Variants in ARIH2 observed in about 807,000 individuals in gnomAD.
ARIH2 encodes the protein ariadne RBR E3 ubiquitin protein ligase 2.
Under a neutral mutation model 79.8 loss-of-function variants are expected in ARIH2, and 12 were observed. That is an observed-to-expected ratio of 0.15 (90% CI 0.10 to 0.24). ARIH2 has a LOEUF of 0.24. Among genes scored for constraint, ARIH2 ranks in the 10% least tolerant of loss-of-function variants. The pLI, the probability that ARIH2 is intolerant of heterozygous loss-of-function variation, is 1.00. For synonymous variants in ARIH2, 224 were observed against 213.9 expected (o/e 1.05, Z -0.41); for missense variants, 301 against 618.3 (o/e 0.49, Z 5.44).
chr3:48,964,314 T>G (rs958470921), intron 4 of ARIH2, among the ~76,000 whole-genome samples: 5 of 148,486 alleles, frequency 3.4e-5, no homozygotes, highest in Middle Eastern at 7.3e-3. Flanking sequence ...GCCATATATA[T>G]AGAATTTTTT....
At chr3:48,930,533 C>G (rs1040464718) in intron 3 of ARIH2, among the ~76,000 whole-genome samples, 1 of 152,056 alleles carries the variant, frequency 6.6e-6, no homozygotes, top group African/African-American at 2.4e-5. Context: ...GCTATGTTGC[C>G]TAGGTCTTAA....
At chr3:48,968,481 T>C (rs768675947) in intron 6 of ARIH2, 53 bp from the exon 7 acceptor site, 4 of 1,572,458 alleles carry the variant, frequency 2.5e-6, no homozygotes, top group Non-Finnish European at 3.5e-6. Context: ...AGTGCTGGGA[T>C]TACAGGCATG....
rs781610376 is a variant in ARIH2, at chr3:48,927,512, G to A, written c.-47G>A. The stretch of plus-strand genomic sequence containing the variant: ...GAAAGCGGTAGTTTTGGGGGGAGGG[G>A]GAAAAAGCAACTGCTTTCCTGATCT... On this transcript the variant is annotated 5_prime_UTR_variant, in exon 3 of 16. Transcript: ENST00000356401. 6.3e-7 allele frequency: 1 copy of A among 1,589,610 alleles called. No individual in the cohort carries two copies. Among genetic ancestry groups the A allele is most frequent in the Non-Finnish European group, 8.5e-7 (1 of 1,169,626 alleles).
intron 3 of ARIH2, among the ~76,000 whole-genome samples, chr3:48,959,884 G>A (rs1031021724): frequency 2.0e-5 from 3 of 152,266 alleles, no homozygotes; most frequent in Non-Finnish European, 4.4e-5. Flanking sequence ...TAGTAGGTGC[G>A]CACTTGTCTC....
At chr3:48,970,915 A>G (rs1296553068) in intron 8 of ARIH2, 1 of 463,068 alleles carries the variant, frequency 2.2e-6, no homozygotes, top group African/African-American at 2.0e-5. Flanking sequence ...AGGAAGTGAC[A>G]CAGGTTCTTG....
intron 5 of ARIH2, among the ~76,000 whole-genome samples, chr3:48,966,644 A>G (rs1014602143): frequency 2.0e-5 from 3 of 152,172 alleles, no homozygotes; most frequent in Non-Finnish European, 4.4e-5. Flanking sequence ...TGACAAGTAA[A>G]ACTACAGTGT....
chr3:48,947,233 G>A (rs2089297394), intron 3 of ARIH2, among the ~76,000 whole-genome samples: 2 of 152,176 alleles, frequency 1.3e-5, no homozygotes, highest in Non-Finnish European at 1.5e-5. Flanking sequence ...CTGAGGTCGG[G>A]AGTTTGAGAC....
intron 5 of ARIH2, among the ~76,000 whole-genome samples, chr3:48,966,094 A>G (rs1008820391): frequency 6.6e-6 from 1 of 152,174 alleles, no homozygotes; most frequent in East Asian, 1.9e-4. Context: ...TACCACCCCT[A>G]CCATAGAAGC....
Position 48,964,123 on chromosome 3 carries a change from C to G in ARIH2, c.324-796C>G, listed in dbSNP as rs1423665970. Among the ~76,000 whole-genome samples the G allele has an allele frequency of 2.0e-5, 3 of 151,880 alleles. No individual in the cohort carries two copies. In the East Asian group the frequency reaches 5.8e-4, roughly 29 times the overall value. On this transcript the variant is annotated intron_variant, in intron 4 of 15. Coordinates refer to ENST00000356401, the MANE Select transcript of ARIH2 (RefSeq NM_006321.4). ...TCTGCTCACTGCAACCTCCACCTCC[C>G]AGGTTCAAGCGATCCTCCTGCTTCA...
chr3:48,976,903 C>CAA (rs377502253), intron 11 of ARIH2, among the ~76,000 whole-genome samples: 18 of 134,960 alleles, frequency 1.3e-4, no homozygotes, highest in Non-Finnish European at 9.6e-5. Flanking sequence ...GACTCTGTCT[C>CAA]AAAAAAAAAA....
chr3:48,956,568 C>T (rs889918143), intron 3 of ARIH2, among the ~76,000 whole-genome samples: 6 of 148,430 alleles, frequency 4.0e-5, no homozygotes, highest in East Asian at 2.0e-4. Flanking sequence ...GTAGCTGGGA[C>T]CACAGGCATG....
At chr3:48,966,981 G>T in intron 5 of ARIH2, 144 bp from the exon 6 acceptor site, 1 of 884,654 alleles carries the variant, frequency 1.1e-6, no homozygotes, top group Non-Finnish European at 1.7e-6. Context: ...GTACCCTTGG[G>T]ACTCAGAGTC....
chr3:48,976,984 A>G (rs2092541124), intron 11 of ARIH2, among the ~76,000 whole-genome samples: 1 of 151,966 alleles, frequency 6.6e-6, no homozygotes, highest in Non-Finnish European at 1.5e-5. Flanking sequence ...GCGGATCATG[A>G]GGTCAGGAGA....
chr3:48,972,665 A>G (rs370412428), intron 8 of ARIH2, among the ~76,000 whole-genome samples: 20 of 152,274 alleles, frequency 1.3e-4, no homozygotes, highest in African/African-American at 4.8e-4. Flanking sequence ...TTGTAGAGAC[A>G]GGGTCTTCCT....
In ARIH2 at chr3:48,931,476, C is replaced by T. The variant is rs184312614; in HGVS notation, c.255+3663C>T. ...AGGCAGGAGAATGGGTGTGAACCCG[C>T]GGGCAGAGGTTGCAGTGAGATGAGA... On this transcript the variant is annotated intron_variant, in intron 3 of 15. Transcript: ENST00000356401. Among the ~76,000 whole-genome samples the T allele has an allele frequency of 3.6e-3, 536 of 150,536 alleles. 5 individuals carry two copies. The highest frequency in any genetic ancestry group is 0.012 in the African/African-American group (500 of 40,952).
At chr3:48,941,462 A>T (rs1335901607) in intron 3 of ARIH2, among the ~76,000 whole-genome samples, 1 of 152,206 alleles carries the variant, frequency 6.6e-6, no homozygotes, top group African/African-American at 2.4e-5. Flanking sequence ...TAGACAAATG[A>T]CTGGAAAAGA....
At chr3:48,938,012 A>G (rs2087426132) in intron 3 of ARIH2, among the ~76,000 whole-genome samples, 1 of 140,724 alleles carries the variant, frequency 7.1e-6, no homozygotes, top group Admixed American at 7.9e-5. Flanking sequence ...GTGCCACTGC[A>G]CTCCAGCCTG....
At chr3:48,981,825 T>A (rs1234134825) in intron 14 of ARIH2, 97 bp downstream of exon 14, 1 of 976,554 alleles carries the variant, frequency 1.0e-6, no homozygotes, top group Non-Finnish European at 1.6e-6. Context: ...ACCTTGGTCA[T>A]TGGGAGGGCA....
In ARIH2 at chr3:48,973,689, C is replaced by T; in HGVS notation, c.771-10C>T. 4 of 1,602,418 alleles carry T rather than the reference C, an allele frequency of 2.5e-6. No individual in the cohort carries two copies. The highest frequency in any genetic ancestry group is 3.4e-6 in the Non-Finnish European group (4 of 1,171,772). ...TGAATATTTGAATGTTTTTCTTTTCCAATTTTAAGTTTCAAGTGTCGTCAG... is the reference window on the plus strand; with the variant it reads ...TGAATATTTGAATGTTTTTCTTTTCTAATTTTAAGTTTCAAGTGTCGTCAG... On this transcript the variant is annotated splice_polypyrimidine_tract_variant and intron_variant, in intron 8 of 15. Coordinates refer to ENST00000356401, the MANE Select transcript of ARIH2 (RefSeq NM_006321.4).
Sources: allele counts gnomAD v4.1 joint callset (sites outside exome capture counted in the v4.1 genomes callset), GRCh38; gene constraint gnomAD v4.1.1; transcripts MANE v1.5; gene names NCBI Gene and HGNC (gene_info 2026-07-23, HGNC 2026-07-21).